The following BACH2 variants were observed in gnomAD, a reference collection of about 807,000 sequenced individuals.
BACH2 encodes the protein transcription regulator protein BACH2.
In BACH2, 5 loss-of-function variants were observed where a neutral mutation model predicts 61.8. The ratio of observed to expected loss-of-function variants is 0.08; its 90% CI spans 0.04 to 0.17. The LOEUF is 0.17. Among genes scored for constraint, BACH2 ranks in the 10% least tolerant of loss-of-function variants. The pLI, the probability that BACH2 is intolerant of heterozygous loss-of-function variation, is 1.00. For synonymous variants in BACH2, 446 were observed against 440.1 expected (o/e 1.01, Z -0.17); for missense variants, 824 against 1,091.1 (o/e 0.76, Z 3.45).
At chr6:89,998,352 C>T (rs1338914176) in intron 6 of BACH2, among the ~76,000 whole-genome samples, 3 of 152,204 alleles carry the variant, frequency 2.0e-5, no homozygotes, top group Non-Finnish European at 2.9e-5. Flanking sequence ...GAAAGTCCAT[C>T]TCAGCAAAGC....
chr6:90,231,485 G>A (rs553922702), intron 3 of BACH2, among the ~76,000 whole-genome samples: 25 of 152,256 alleles, frequency 1.6e-4, no homozygotes, highest in Non-Finnish European at 2.6e-4. Flanking sequence ...TTACCAAAGC[G>A]TTCTCCAACT....
At chr6:90,151,535 C>T (rs1330953696) in intron 4 of BACH2, among the ~76,000 whole-genome samples, 1 of 152,190 alleles carries the variant, frequency 6.6e-6, no homozygotes, top group East Asian at 1.9e-4. Flanking sequence ...AAACGATGTT[C>T]CCACCTTGGT....
chr6:90,221,473 A>T (rs1432708139), intron 3 of BACH2, among the ~76,000 whole-genome samples: 1 of 152,198 alleles, frequency 6.6e-6, no homozygotes, highest in African/African-American at 2.4e-5. Context: ...ATTAGTTCAT[A>T]AGTTAATGTA....
At chr6:90,234,109 T>C (rs1770186330) in intron 3 of BACH2, among the ~76,000 whole-genome samples, 1 of 152,210 alleles carries the variant, frequency 6.6e-6, no homozygotes, top group Non-Finnish European at 1.5e-5. Context: ...ATCAGGGTCT[T>C]CTGGGCTGTG....
intron 4 of BACH2, among the ~76,000 whole-genome samples, chr6:90,155,595 C>T (rs1784969651): frequency 6.6e-6 from 1 of 152,002 alleles, no homozygotes; most frequent in African/African-American, 2.4e-5. Flanking sequence ...TCTGTAAAAA[C>T]AACAACAATA....
intron 1 of BACH2, among the ~76,000 whole-genome samples, chr6:90,296,092 G>A (rs1042031451): frequency 6.6e-6 from 1 of 152,130 alleles, no homozygotes; most frequent in East Asian, 1.9e-4. Context: ...GACAGCTGCT[G>A]CGGCTCGCGC....
intron 4 of BACH2, among the ~76,000 whole-genome samples, chr6:90,194,908 T>C (rs1419398504): frequency 6.6e-6 from 1 of 152,224 alleles, no homozygotes; most frequent in Non-Finnish European, 1.5e-5. Context: ...CTTTGCTTTG[T>C]TTCGAAGAGA....
intron 4 of BACH2, among the ~76,000 whole-genome samples, chr6:90,176,624 T>C (rs1329127102): frequency 2.6e-5 from 4 of 152,108 alleles, no homozygotes; most frequent in African/African-American, 9.7e-5. Context: ...ATCCAAAAAA[T>C]GTGTGTGTAT....
chr6:90,069,006 T>G (rs1195980889), intron 5 of BACH2, among the ~76,000 whole-genome samples: 1 of 152,200 alleles, frequency 6.6e-6, no homozygotes, highest in Non-Finnish European at 1.5e-5. Context: ...TTTGCCTTCC[T>G]TCCTTCTTTG....
intron 5 of BACH2, among the ~76,000 whole-genome samples, chr6:90,055,302 A>G (rs1212039297): frequency 6.6e-6 from 1 of 152,212 alleles, no homozygotes; most frequent in East Asian, 1.9e-4. Flanking sequence ...CTGAAAACCA[A>G]GGCACGAGAG....
intron 5 of BACH2, among the ~76,000 whole-genome samples, chr6:90,017,052 A>C (rs2127783685): frequency 6.6e-6 from 1 of 152,136 alleles, no homozygotes; most frequent in East Asian, 1.9e-4. Context: ...GTTTTAACCA[A>C]ATTTGGAAAA....
intron 5 of BACH2, among the ~76,000 whole-genome samples, chr6:90,011,124 T>C (rs961581458): frequency 6.6e-6 from 1 of 151,534 alleles, no homozygotes; most frequent in Admixed American, 6.6e-5. Flanking sequence ...TCTAAAAAAC[T>C]AAACCAAGGT....
chr6:89,949,905 G>T (rs1015126135), intron 7 of BACH2, among the ~76,000 whole-genome samples: 4 of 152,094 alleles, frequency 2.6e-5, no homozygotes, highest in South Asian at 4.1e-4. Flanking sequence ...AAGGATGAGG[G>T]TGATGAACAT....
intron 3 of BACH2, among the ~76,000 whole-genome samples, chr6:90,229,891 G>T: frequency 6.6e-6 from 1 of 152,306 alleles, no homozygotes; most frequent in East Asian, 1.9e-4. Context: ...CAGCCTGGAT[G>T]CAAGTCCTAG....
At chr6:90,206,124 C>A (rs911921210) in intron 4 of BACH2, among the ~76,000 whole-genome samples, 1 of 152,174 alleles carries the variant, frequency 6.6e-6, no homozygotes, top group East Asian at 1.9e-4. Context: ...CGCAGTAACT[C>A]ATTTCATCCT....
intron 4 of BACH2, among the ~76,000 whole-genome samples, chr6:90,176,095 C>A (rs373657944): frequency 6.6e-6 from 1 of 152,192 alleles, no homozygotes; most frequent in South Asian, 2.1e-4. Context: ...TGTGGCCCTG[C>A]GTAGCATGTG....
Position 89,951,580 on chromosome 6 carries a change from C to A in BACH2, c.526G>T (p.Ala176Ser). 1 of 1,614,118 alleles carries A rather than the reference C, an allele frequency of 6.2e-7. No individual in the cohort carries two copies. Among genetic ancestry groups the A allele is most frequent in the Non-Finnish European group, 8.5e-7 (1 of 1,180,042 alleles). The change falls in exon 7 of 9, where the codon GCC becomes TCC. Residue 176 changes from alanine to serine, a missense_variant. This residue lies in a region of BACH2 where 107 missense variants were observed against 121.7 expected (regional missense o/e 0.88). Transcript: ENST00000257749. The surrounding 1 kb of genome is among the most constrained non-coding windows in gnomAD (Gnocchi z 6.4). ...EEEETMDSET[A>S]KMACPRDQML... is the part of the protein sequence containing the mutation. ...TGGTCCCTGGGGCAAGCCATCTTGG[C>A]CGTCTCTGAATCCATCGTCTCCTCC...
At chr6:90,084,264 T>C (rs1781837405) in intron 5 of BACH2, among the ~76,000 whole-genome samples, 1 of 151,948 alleles carries the variant, frequency 6.6e-6, no homozygotes, top group South Asian at 2.1e-4. Flanking sequence ...GAGATCCCAC[T>C]AGGGTCTGTC....
Position 90,102,428 on chromosome 6 carries a change from G to A in BACH2, c.-161-13319C>T, listed in dbSNP as rs1478119226. Among the ~76,000 whole-genome samples, 12 of 152,096 alleles carry A rather than the reference G, an allele frequency of 7.9e-5. No individual in the cohort carries two copies. In the East Asian group the frequency reaches 2.1e-3, roughly 27 times the overall value. The stretch of plus-strand genomic sequence containing the variant: ...GGGTCTGGCCTCGCCATTCTCAAAG[G>A]GAATCTAAAGGGTTTGTTTCAATGA... On this transcript the variant is annotated intron_variant, in intron 4 of 8. Coordinates refer to ENST00000257749, the MANE Select transcript of BACH2 (RefSeq NM_021813.4).
Sources: allele counts gnomAD v4.1 joint callset (sites outside exome capture counted in the v4.1 genomes callset), GRCh38; gene constraint gnomAD v4.1.1; regional missense constraint gnomAD v4.1.1; non-coding constraint Gnocchi (gnomAD v3.1); transcripts MANE v1.5; gene names NCBI Gene and HGNC (gene_info 2026-07-23, HGNC 2026-07-21).